The following CARMIL1 variants were observed in gnomAD, a reference collection of about 807,000 sequenced individuals.
The protein encoded by CARMIL1 is capping protein regulator and myosin 1 linker 1.
In CARMIL1, 90 loss-of-function variants were observed where a neutral mutation model predicts 177.1. The ratio of observed to expected loss-of-function variants is 0.51; its 90% CI spans 0.43 to 0.61. CARMIL1 has a LOEUF of 0.61. Among genes scored for constraint, CARMIL1 ranks in the 20% least tolerant of loss-of-function variants. The pLI is 0.00. For synonymous variants in CARMIL1, 577 were observed against 606.2 expected (o/e 0.95, Z 0.71); for missense variants, 1,380 against 1,667.0 (o/e 0.83, Z 3.00).
chr6:25,303,342 T>C (rs192836431), intron 2 of CARMIL1, among the ~76,000 whole-genome samples: 52 of 152,334 alleles, frequency 3.4e-4, no homozygotes, highest in Middle Eastern at 3.4e-3. Context: ...ATTGGTTCCA[T>C]GAGCAACCCT....
intron 1 of CARMIL1, among the ~76,000 whole-genome samples, chr6:25,282,110 C>A (rs1159820192): frequency 1.2e-5 from 1 of 84,168 alleles, no homozygotes. Context: ...AGTGAAACTC[C>A]ATCTCAAAAA....
chr6:25,433,849 G>A lies in CARMIL1; in HGVS notation c.250-1634G>A, dbSNP rs1028887. ...ATCTCATCATTTTGACATACCTTGC[G>A]TTACTTTTCATTTTGACATACATAT... On this transcript the variant is annotated intron_variant, in intron 4 of 36. Transcript: ENST00000329474. 5.1e-3 allele frequency among the ~76,000 whole-genome samples: 779 copies of A among 152,068 alleles called. 3 individuals are homozygous for A. Among genetic ancestry groups the A allele is most frequent in the African/African-American group, 0.017 (697 of 41,470 alleles).
chr6:25,582,639 ATCCTGAGC>A (rs1220862532), intron 31 of CARMIL1, among the ~76,000 whole-genome samples: 1 of 151,998 alleles, frequency 6.6e-6, no homozygotes, highest in Non-Finnish European at 1.5e-5. Flanking sequence ...GCTACCTCCC[ATCCTGAGC>A]TCCAGCCCTC....
At chr6:25,605,504 G>T (rs1312975925) in intron 34 of CARMIL1, among the ~76,000 whole-genome samples, 1 of 152,022 alleles carries the variant, frequency 6.6e-6, no homozygotes, top group Non-Finnish European at 1.5e-5. Context: ...ACATTTTATG[G>T]GCTTATTTTT....
chr6:25,333,647 T>G (rs1174125759), intron 2 of CARMIL1, among the ~76,000 whole-genome samples: 2 of 130,852 alleles, frequency 1.5e-5, no homozygotes, highest in Admixed American at 1.4e-4. Context: ...CAGTGGAGGG[T>G]TTTTTTTTGT....
intron 2 of CARMIL1, among the ~76,000 whole-genome samples, chr6:25,334,089 A>G (rs527885565): frequency 3.6e-4 from 55 of 152,310 alleles, no homozygotes; most frequent in African/African-American, 1.3e-3. Context: ...AGTTCAACAC[A>G]CCCCTGGTGG....
chr6:25,605,609 G>A (rs1181343449), intron 34 of CARMIL1, among the ~76,000 whole-genome samples: 1 of 152,150 alleles, frequency 6.6e-6, no homozygotes, highest in Admixed American at 6.5e-5. Flanking sequence ...TGAGATTGCA[G>A]CCGTCAGCAT....
chr6:25,452,374 T>C, intron 8 of CARMIL1: 1 of 608,700 alleles, frequency 1.6e-6, no homozygotes, highest in Non-Finnish European at 2.9e-6. Context: ...TTTGTAAGTA[T>C]TTTCCAATAA....
At chr6:25,479,320 T>A (rs963312015) in intron 11 of CARMIL1, 24 of 471,708 alleles carry the variant, frequency 5.1e-5, no homozygotes, top group African/African-American at 4.2e-4. Context: ...AGAGATTTTT[T>A]AATAATAGAT....
intron 24 of CARMIL1, among the ~76,000 whole-genome samples, chr6:25,533,355 T>A (rs185847874): frequency 4.4e-4 from 67 of 152,350 alleles, no homozygotes; most frequent in African/African-American, 1.6e-3. Context: ...AAATCCAGGC[T>A]CTACTATTCC....
chr6:25,385,800 C>A (rs1399388596), intron 2 of CARMIL1, among the ~76,000 whole-genome samples: 1 of 152,164 alleles, frequency 6.6e-6, no homozygotes, highest in African/African-American at 2.4e-5. Context: ...TTTTCCAAGA[C>A]TCATTATTCC....
At position 25,515,889 on chromosome 6, in the gene CARMIL1, A is replaced by C; in HGVS notation, c.1805+42A>C. The stretch of plus-strand genomic sequence containing the variant: ...CTCCCTGCTCATGAGGAAGGCTTGG[A>C]GCAGATTCCGAACAGCAAGCATTGC... On this transcript the variant is annotated intron_variant, in intron 21 of 36. Coordinates refer to ENST00000329474, the MANE Select transcript of CARMIL1 (RefSeq NM_017640.6). This position sits in a 1 kb window ranked among gnomAD's most constrained non-coding sequence, Gnocchi z 5.0. 6.5e-7 allele frequency: 1 copy of C among 1,550,316 alleles called. No individual in the cohort carries two copies. The highest frequency in any genetic ancestry group is 8.7e-7 in the Non-Finnish European group (1 of 1,146,336).
chr6:25,356,486 G>A (rs1439130348), intron 2 of CARMIL1, among the ~76,000 whole-genome samples: 1 of 152,226 alleles, frequency 6.6e-6, no homozygotes, highest in African/African-American at 2.4e-5. Flanking sequence ...TTTAAAGAGA[G>A]GGAATATCTG....
chr6:25,341,674 T>C (rs1395352343), intron 2 of CARMIL1, among the ~76,000 whole-genome samples: 4 of 152,350 alleles, frequency 2.6e-5, no homozygotes, highest in Admixed American at 2.6e-4. Flanking sequence ...GCTGAGATTG[T>C]GCCGCTGCTC....
intron 2 of CARMIL1, among the ~76,000 whole-genome samples, chr6:25,403,743 A>T (rs1394912712): frequency 1.3e-5 from 2 of 152,098 alleles, no homozygotes; most frequent in Admixed American, 1.3e-4. Context: ...TAAAAATGCC[A>T]CCCACCTAAC....
At chr6:25,426,180 C>CA (rs965598628) in intron 3 of CARMIL1, among the ~76,000 whole-genome samples, 13 of 152,270 alleles carry the variant, frequency 8.5e-5, no homozygotes, top group African/African-American at 3.1e-4. Context: ...CTTTTAATGG[C>CA]AAAAACTGTG....
chr6:25,600,656 A>G lies in CARMIL1; in HGVS notation c.3462A>G (p.Ala1154=), dbSNP rs1243933355. The change falls in exon 33 of 37, where the codon GCA becomes GCG. Residue 1154 remains alanine (A), a synonymous_variant. Transcript: ENST00000329474. ...GTGACAGCAAGAGCAGCCCACAGGCAGGGCGGAGGTATGGGGTCCAGGTGA... is the reference window on the plus strand; with the variant it reads ...GTGACAGCAAGAGCAGCCCACAGGCGGGGCGGAGGTATGGGGTCCAGGTGA... ...ERSDSKSSPQ[A]GRRYGVQVMG... The G allele has an allele frequency of 6.2e-7, 1 of 1,613,044 alleles. No individual in the cohort carries two copies. The highest frequency in any genetic ancestry group is 8.5e-7 in the Non-Finnish European group (1 of 1,179,416).
At chr6:25,603,889 T>C (rs1003644068) in intron 33 of CARMIL1, among the ~76,000 whole-genome samples, 12 of 152,250 alleles carry the variant, frequency 7.9e-5, no homozygotes, top group African/African-American at 2.6e-4. Flanking sequence ...TCACCATCAC[T>C]AATTCCTCCC....
intron 2 of CARMIL1, among the ~76,000 whole-genome samples, chr6:25,408,244 C>T (rs1168132966): frequency 6.7e-6 from 1 of 148,362 alleles, no homozygotes; most frequent in East Asian, 2.0e-4. Context: ...GCCGAGATTG[C>T]ACCACTGCAC....
Sources: allele counts gnomAD v4.1 joint callset (sites outside exome capture counted in the v4.1 genomes callset), GRCh38; gene constraint gnomAD v4.1.1; non-coding constraint Gnocchi (gnomAD v3.1); transcripts MANE v1.5; gene names NCBI Gene and HGNC (gene_info 2026-07-23, HGNC 2026-07-21).